Variants in PLCE1 observed in about 807,000 individuals in gnomAD.
PLCE1 encodes the protein phospholipase C epsilon 1.
Under a neutral mutation model 242.8 loss-of-function variants are expected in PLCE1, and 119 were observed. The observed-to-expected ratio is 0.49, with a 90% CI of 0.42 to 0.57. The LOEUF (loss-of-function observed/expected upper bound fraction) is 0.57, where lower values mean the gene tolerates loss of function less well. Among genes scored for constraint, PLCE1 ranks in the 20% least tolerant of loss-of-function variants. The probability of loss-of-function intolerance (pLI) is 0.00; values close to 1 mark genes in which losing one functional copy is unlikely to be tolerated. For missense variants in PLCE1, 2,441 were observed against 2,788.8 expected (o/e 0.88, Z 2.81); for synonymous variants, 945 against 1,017.4 (o/e 0.93, Z 1.35).
chr10:94,046,344 C>G (rs1249412342), intron 2 of PLCE1, among the ~76,000 whole-genome samples: 1 of 152,180 alleles, frequency 6.6e-6, no homozygotes, highest in Non-Finnish European at 1.5e-5. Flanking sequence ...GAGCCAAATG[C>G]AAGACACTGA....
chr10:94,098,625 T>C (rs2045404256), intron 2 of PLCE1, among the ~76,000 whole-genome samples: 1 of 152,216 alleles, frequency 6.6e-6, no homozygotes, highest in South Asian at 2.1e-4. Context: ...TTGACTGATA[T>C]GTCTTGTGAA....
At chr10:94,132,067 C>G in intron 2 of PLCE1, 107 bp from the exon 3 acceptor site, 1 of 1,011,770 alleles carries the variant, frequency 9.9e-7, no homozygotes, top group East Asian at 2.6e-5. Context: ...GCACTTGGAG[C>G]ATCTGAGCCT....
intron 1 of PLCE1, among the ~76,000 whole-genome samples, chr10:94,027,224 T>C (rs2061465656): frequency 6.6e-6 from 1 of 152,208 alleles, no homozygotes; most frequent in South Asian, 2.1e-4. Context: ...CAGCACTGTC[T>C]GCTTTAGATG....
intron 1 of PLCE1, among the ~76,000 whole-genome samples, chr10:94,027,089 T>C (rs1362060005): frequency 6.6e-6 from 1 of 152,148 alleles, no homozygotes; most frequent in South Asian, 2.1e-4. Context: ...TGACTGCCCA[T>C]ATTTGCTCTT....
chr10:94,113,418 G>A (rs1243391678), intron 2 of PLCE1, among the ~76,000 whole-genome samples: 1 of 152,122 alleles, frequency 6.6e-6, no homozygotes, highest in Non-Finnish European at 1.5e-5. Context: ...ATAACTGAGG[G>A]CAAAATAAAG....
chr10:94,050,706 T>A (rs12244322), intron 2 of PLCE1, among the ~76,000 whole-genome samples: 47,046 of 151,374 alleles, frequency 0.31, 7,924 homozygotes, highest in African/African-American at 0.45. Flanking sequence ...AATAAAAATT[T>A]AAAAGAAAAC....
intron 4 of PLCE1, among the ~76,000 whole-genome samples, chr10:94,204,762 G>A (rs910109997): frequency 9.8e-6 from 1 of 101,620 alleles, no homozygotes; most frequent in Non-Finnish European, 2.2e-5. Context: ...AAGGAAGGAA[G>A]GAAGGAAGGA....
chr10:94,052,224 A>G (rs76834526), intron 2 of PLCE1, among the ~76,000 whole-genome samples: 1 of 152,382 alleles, frequency 6.6e-6, no homozygotes, highest in African/African-American at 2.4e-5. Context: ...GCATTTGACA[A>G]GAAGTATTAC....
chr10:94,021,201 GTCTGTGTCTTACC>G (rs2061371272), intron 1 of PLCE1, among the ~76,000 whole-genome samples: 1 of 149,620 alleles, frequency 6.7e-6, no homozygotes. Context: ...TTTTCTCCCG[GTCTGTGTCTTACC>G]TTTGTCCTTC....
intron 4 of PLCE1, among the ~76,000 whole-genome samples, chr10:94,184,846 AT>A (rs34395696): frequency 0.31 from 46,002 of 147,792 alleles, 7,706 homozygotes; most frequent in Non-Finnish European, 0.4. Context: ...TGACTTGCTT[AT>A]TTTTTTTTTT....
chr10:94,104,324 C>A (rs2135528139), intron 2 of PLCE1: 1 of 152,232 alleles, frequency 6.6e-6, no homozygotes, highest in African/African-American at 2.4e-5. Context: ...GGGATCAGGG[C>A]TCAGGTAGCT....
intron 2 of PLCE1, among the ~76,000 whole-genome samples, chr10:94,123,087 T>C (rs768313254): frequency 6.6e-6 from 1 of 152,182 alleles, no homozygotes; most frequent in Non-Finnish European, 1.5e-5. Flanking sequence ...TAAACAGTGA[T>C]TTCTGTACTT....
Position 94,258,849 on chromosome 10 carries a change from G to A in PLCE1, c.3604G>A (p.Gly1202Arg), listed in dbSNP as rs752714644. The part of the protein sequence containing the change: ...WHGRIKGGMK[G>R]FQSFMVSDSN... Reference sequence around the variant, plus strand: ...CGGGCGGATCAAAGGCGGCATGAAGGGATTTCAGAGCTTCATGGTTTCAGA... The same window carrying A: ...CGGGCGGATCAAAGGCGGCATGAAGAGATTTCAGAGCTTCATGGTTTCAGA... Residue 1202 changes from glycine to arginine, a missense_variant, in exon 12 of 33, where the codon GGA becomes AGA. Around this residue, in one of 5 missense-constraint regions of PLCE1, gnomAD observed 1,004 missense variants for 1,322.7 expected, o/e 0.76. Transcript: ENST00000371380. The A allele has an allele frequency of 5.0e-6, 8 of 1,613,906 alleles. No individual in the cohort carries two copies. The highest frequency in any genetic ancestry group is 4.0e-5 in the African/African-American group (3 of 74,898).
At chr10:94,170,296 ACT>A (rs10576596) in intron 3 of PLCE1, among the ~76,000 whole-genome samples, 13,262 of 152,106 alleles carry the variant, frequency 0.087, 1,108 homozygotes, top group African/African-American at 0.22. Flanking sequence ...TCTTTGGAAA[ACT>A]CTGTTCTAGG....
chr10:94,194,214 C>T (rs1003074588), intron 4 of PLCE1, among the ~76,000 whole-genome samples: 27 of 152,156 alleles, frequency 1.8e-4, no homozygotes, highest in African/African-American at 6.0e-4. Flanking sequence ...CACCCAGAAC[C>T]AAATTTCTTA....
chr10:94,031,215 C>T lies in PLCE1; in HGVS notation c.169C>T (p.Leu57=). The change falls in exon 2 of 33, where the codon CTG becomes TTG. Residue 57 remains leucine, a synonymous_variant. Transcript: ENST00000371380. Reference sequence around the variant, plus strand: ...GGAGACTTCTCATACCATCTCACAACTGAACAAACTTAAAGAAGAACCTTC... The same window carrying T: ...GGAGACTTCTCATACCATCTCACAATTGAACAAACTTAAAGAAGAACCTTC... ...SGETSHTISQ[L]NKLKEEPSGS... 6.2e-7 allele frequency: 1 copy of T among 1,613,782 alleles called. No individual in the cohort carries two copies. Among genetic ancestry groups the T allele is most frequent in the Non-Finnish European group, 8.5e-7 (1 of 1,179,812 alleles).
chr10:94,209,889 C>T (rs2049277931), intron 4 of PLCE1, among the ~76,000 whole-genome samples: 1 of 152,092 alleles, frequency 6.6e-6, no homozygotes. Context: ...TCCTTTAGTC[C>T]CACAGTTCTG....
chr10:94,324,693 A>C, intron 31 of PLCE1, 126 bp downstream of exon 31: 1 of 1,019,084 alleles, frequency 9.8e-7, no homozygotes, highest in Non-Finnish European at 1.5e-6. Flanking sequence ...AGTTAGGAGA[A>C]AATTGTTTGG....
intron 4 of PLCE1, among the ~76,000 whole-genome samples, chr10:94,191,196 C>T (rs765803806): frequency 5.9e-5 from 9 of 152,144 alleles, no homozygotes; most frequent in Non-Finnish European, 1.3e-4. Context: ...TTCAGAATGG[C>T]ACAATGGCAA....
Sources: allele counts gnomAD v4.1 joint callset (sites outside exome capture counted in the v4.1 genomes callset), GRCh38; gene constraint gnomAD v4.1.1; regional missense constraint gnomAD v4.1.1; transcripts MANE v1.5; gene names NCBI Gene and HGNC (gene_info 2026-07-23, HGNC 2026-07-21).